Variants in STRN3 observed in about 807,000 individuals in gnomAD.
STRN3 encodes the protein striatin 3, also known as striatin-3.
Under a neutral mutation model 95.6 loss-of-function variants are expected in STRN3, and 29 were observed. That is an observed-to-expected ratio of 0.30 (90% CI 0.23 to 0.41). The LOEUF (loss-of-function observed/expected upper bound fraction) is 0.41. Among genes scored for constraint, STRN3 ranks in the 10% least tolerant of loss-of-function variants. The probability of loss-of-function intolerance (pLI) is 1.00; values close to 1 mark genes in which losing one functional copy is unlikely to be tolerated. For missense variants in STRN3, 890 were observed against 972.1 expected (o/e 0.92, Z 1.12); for synonymous variants, 331 against 357.6 (o/e 0.93, Z 0.84).
At chr14:30,956,502 A>T (rs1317491941) in intron 1 of STRN3, among the ~76,000 whole-genome samples, 1 of 152,170 alleles carries the variant, frequency 6.6e-6, no homozygotes, top group African/African-American at 2.4e-5. Context: ...AAAATTTTTT[A>T]AATTGGCCAG....
intron 1 of STRN3, among the ~76,000 whole-genome samples, chr14:31,015,634 A>C (rs1883203909): frequency 6.6e-6 from 1 of 152,140 alleles, no homozygotes; most frequent in Admixed American, 6.5e-5. Context: ...TGGCCTCCCA[A>C]AGTGCTGGGA....
At chr14:30,949,172 T>C (rs1374454946) in intron 4 of STRN3, among the ~76,000 whole-genome samples, 1 of 152,242 alleles carries the variant, frequency 6.6e-6, no homozygotes, top group Non-Finnish European at 1.5e-5. Flanking sequence ...TTGTTCATTA[T>C]TTCCTTCAAT....
intron 16 of STRN3, among the ~76,000 whole-genome samples, chr14:30,897,574 G>C (rs1020891151): frequency 1.3e-5 from 2 of 152,304 alleles, no homozygotes; most frequent in Middle Eastern, 3.4e-3. Context: ...GACAGAGTGA[G>C]ACTCCGTCTC....
intron 5 of STRN3, among the ~76,000 whole-genome samples, chr14:30,939,594 A>G (rs192632452): frequency 6.6e-6 from 1 of 152,168 alleles, no homozygotes; most frequent in Admixed American, 6.5e-5. Flanking sequence ...TGCAGTTGCT[A>G]AAATGAAGTT....
intron 9 of STRN3, among the ~76,000 whole-genome samples, chr14:30,914,413 T>C (rs1372694939): frequency 1.3e-5 from 2 of 152,196 alleles, no homozygotes; most frequent in East Asian, 3.9e-4. Context: ...AGTGCAGTGG[T>C]GCGATCTCGG....
At chr14:30,996,082 T>C (rs1882185856) in intron 1 of STRN3, among the ~76,000 whole-genome samples, 1 of 152,234 alleles carries the variant, frequency 6.6e-6, no homozygotes, top group Admixed American at 6.5e-5. Flanking sequence ...CCTCAGTTTA[T>C]TTTCCATTCC....
rs942239560 is a variant in STRN3, at chr14:31,002,525, C to T, written c.282+23379G>A. Among the ~76,000 whole-genome samples, 3 of 150,506 alleles carry T rather than the reference C, an allele frequency of 2.0e-5. No homozygotes were observed. The South Asian group carries it at 6.3e-4, about 32-fold the overall frequency. On this transcript the variant is annotated intron_variant, in intron 1 of 17. Coordinates refer to ENST00000357479, the MANE Select transcript of STRN3 (RefSeq NM_001083893.2). ...GGTCACAGTGGCGGGCGCCTGTAATCCCAGCTACTCAGGAGGCTGAGGTGA... is the reference window on the plus strand; with the variant it reads ...GGTCACAGTGGCGGGCGCCTGTAATTCCAGCTACTCAGGAGGCTGAGGTGA...
At position 30,935,202 on chromosome 14, in the gene STRN3, C is replaced by G; in HGVS notation, c.949G>C (p.Ala317Pro). The G allele has an allele frequency of 3.1e-6, 5 of 1,614,160 alleles. No individual in the cohort carries two copies. The highest frequency in any genetic ancestry group is 4.2e-6 in the Non-Finnish European group (5 of 1,180,012). Residue 317 changes from alanine (A) to proline (P), a missense_variant, in exon 7 of 18, where the codon GCT becomes CCT. Transcript: ENST00000357479. ...FLVTAEDGEG[A>P]GEARSSGDGT... ...TCCCCCGAACTCCGTGCTTCTCCAG[C>G]TCCTTCACCATCTTCAGCAGTCACT...
In STRN3 at chr14:30,894,681, G is replaced by A. The variant is rs1896079629; in HGVS notation, c.*730C>T. 2 of 172,958 alleles carry A rather than the reference G, an allele frequency of 1.2e-5. No homozygotes were observed. The highest frequency in any genetic ancestry group is 1.2e-4 in the South Asian group (1 of 8,470). The allele number at this position is 172,958 out of a possible 1,614,324, so 10.7% of individuals were successfully genotyped here. On this transcript the variant is annotated 3_prime_UTR_variant, in exon 18 of 18. Transcript: ENST00000357479. ...CTTTATGGAAGGACTTAGCTGAGCT[G>A]TATTAGGCAAAAGAAGGAAAGAAAG...
chr14:30,985,368 C>T (rs1881635071), intron 1 of STRN3, among the ~76,000 whole-genome samples: 1 of 151,616 alleles, frequency 6.6e-6, no homozygotes, highest in Admixed American at 6.6e-5. Flanking sequence ...CTTTTGGGGG[C>T]CGAGGCAGGT....
Position 31,018,909 on chromosome 14 carries a change from G to C in STRN3, c.282+6995C>G, listed in dbSNP as rs767803970. ...AGGCCAGGGTGGGCAGATCACCTGAGGTCGGGAGTTTGAGACCAGACTGGC... is the reference window on the plus strand; with the variant it reads ...AGGCCAGGGTGGGCAGATCACCTGACGTCGGGAGTTTGAGACCAGACTGGC... On this transcript the variant is annotated intron_variant, in intron 1 of 17. Transcript: ENST00000357479. 40 of 270,770 alleles carry C rather than the reference G, an allele frequency of 1.5e-4. 1 individual carries two copies. The East Asian group carries it at 1.6e-3, about 10-fold the overall frequency. 16.8% of individuals were successfully genotyped at this position (270,770 alleles called of 1,614,324 possible).
intron 3 of STRN3, 108 bp downstream of exon 3, chr14:30,955,512 A>G (rs983043661): frequency 2.3e-6 from 2 of 881,856 alleles, no homozygotes; most frequent in African/African-American, 1.8e-5. Flanking sequence ...GACAGTTTAC[A>G]ATAGTCATTC....
intron 1 of STRN3, among the ~76,000 whole-genome samples, chr14:30,975,193 A>G (rs1594524429): frequency 2.0e-5 from 3 of 151,216 alleles, no homozygotes; most frequent in East Asian, 3.9e-4. Context: ...GATAAAGAAA[A>G]TGTGATATAC....
intron 16 of STRN3, among the ~76,000 whole-genome samples, chr14:30,896,847 G>C (rs59048919): frequency 0.1 from 15,195 of 152,162 alleles, 834 homozygotes; most frequent in South Asian, 0.16. Context: ...CTTCAGTGAA[G>C]ATTTGGCAAG....
chr14:31,009,025 A>T (rs529881463), intron 1 of STRN3, among the ~76,000 whole-genome samples: 1 of 152,196 alleles, frequency 6.6e-6, no homozygotes, highest in South Asian at 2.1e-4. Context: ...GGAAACAGAA[A>T]GAGACCCTCT....
chr14:30,913,035 C>G (rs1185719052), intron 10 of STRN3, among the ~76,000 whole-genome samples: 1 of 152,082 alleles, frequency 6.6e-6, no homozygotes, highest in East Asian at 1.9e-4. Context: ...TCCCCACTCC[C>G]CAACCCTTCC....
At chr14:30,917,001 T>C (rs188214190) in intron 9 of STRN3, among the ~76,000 whole-genome samples, 9 of 152,302 alleles carry the variant, frequency 5.9e-5, no homozygotes, top group Non-Finnish European at 1.2e-4. Context: ...TAGAAGATTG[T>C]AATGTTGAAG....
chr14:30,908,308 C>A (rs1243279011), intron 13 of STRN3, among the ~76,000 whole-genome samples: 1 of 152,348 alleles, frequency 6.6e-6, no homozygotes, highest in South Asian at 2.1e-4. Context: ...CCTGTTTACT[C>A]TTCAAATCAC....
At chr14:30,915,621 AT>A (rs1896718542) in intron 9 of STRN3, among the ~76,000 whole-genome samples, 1 of 152,226 alleles carries the variant, frequency 6.6e-6, no homozygotes, top group Admixed American at 6.5e-5. Context: ...AAGGATAATT[AT>A]ATAAAAGTCA....
Sources: gnomAD v4.1 joint callset for allele counts (sites outside exome capture counted in the v4.1 genomes callset) on GRCh38, gnomAD v4.1.1 for gene constraint, MANE v1.5 for transcripts, NCBI Gene and HGNC (gene_info 2026-07-23, HGNC 2026-07-21) for gene names.